Variants in DVL1 observed in about 807,000 individuals in gnomAD.
DVL1 encodes dishevelled segment polarity protein 1, also known as segment polarity protein dishevelled homolog DVL-1.
A neutral mutation model predicts 65.0 loss-of-function variants in DVL1; 49 were observed. The ratio of observed to expected loss-of-function variants is 0.75; its 90% CI spans 0.60 to 0.96. The LOEUF (loss-of-function observed/expected upper bound fraction) is 0.96. Ranked by LOEUF, DVL1 falls within the 40% of genes least tolerant of loss-of-function variation. The pLI is 0.00. For missense variants in DVL1, 1,197 were observed against 1,045.4 expected (o/e 1.15, Z -2.00); for synonymous variants, 608 against 433.9 (o/e 1.40, Z -4.99).
intron 1 of DVL1, among the ~76,000 whole-genome samples, chr1:1,344,762 G>T (rs368641291): frequency 5.9e-5 from 9 of 152,144 alleles, no homozygotes; most frequent in Non-Finnish European, 1.2e-4. Context: ...AGGGTGAGGC[G>T]GGCCCCACGG....
chr1:1,341,175 GCA>G (rs1268855289), intron 5 of DVL1, among the ~76,000 whole-genome samples: 3 of 139,236 alleles, frequency 2.2e-5, no homozygotes, highest in Admixed American at 1.5e-4. Flanking sequence ...AAGCACACCT[GCA>G]CACACGCACA....
intron 14 of DVL1, chr1:1,337,611 C>T (rs1643621801): frequency 4.7e-6 from 2 of 425,318 alleles, no homozygotes; most frequent in Non-Finnish European, 8.9e-6. Flanking sequence ...CACCAGCCGC[C>T]ACCCCTACCA....
intron 5 of DVL1, 124 bp downstream of exon 5, chr1:1,341,529 GACATTTGCAGGCAC>G: frequency 8.5e-7 from 1 of 1,182,588 alleles, no homozygotes; most frequent in Non-Finnish European, 1.1e-6. Context: ...CATGTACACA[GACATTTGCAGGCAC>G]ACACATGCAC....
At chr1:1,343,061 G>T (rs1569729181) in intron 1 of DVL1, among the ~76,000 whole-genome samples, 1 of 152,228 alleles carries the variant, frequency 6.6e-6, no homozygotes, top group Admixed American at 6.5e-5. Flanking sequence ...AGTGGCTGTG[G>T]ACATCCTCAC....
chr1:1,341,975 C>A, intron 4 of DVL1, 78 bp downstream of exon 4: 1 of 1,465,498 alleles, frequency 6.8e-7, no homozygotes, highest in Non-Finnish European at 9.2e-7. Flanking sequence ...GGGACAGGAA[C>A]TGCTGTAGTA....
Position 1,349,211 on chromosome 1 carries a change from A to G in DVL1, c.-146T>C. On this transcript the variant is annotated 5_prime_UTR_variant, in exon 1 of 15. Coordinates refer to ENST00000378888, the MANE Select transcript of DVL1 (RefSeq NM_001330311.2). The surrounding 1 kb of genome is among the most constrained non-coding windows in gnomAD (Gnocchi z 4.1). ...CGAGGCCCCCGGGCGCCCCCGCCCG[A>G]CCGCCCAGGCCCCGGCCGCCGCCCC... 1 of 342,242 alleles carries G rather than the reference A, an allele frequency of 2.9e-6. No individual in the cohort carries two copies. The highest frequency in any genetic ancestry group is 4.0e-6 in the Non-Finnish European group (1 of 249,568). 21.2% of individuals were successfully genotyped at this position (342,242 alleles called of 1,614,324 possible).
At chr1:1,341,589 T>C in intron 5 of DVL1, 78 bp downstream of exon 5, 1 of 875,520 alleles carries the variant, frequency 1.1e-6, no homozygotes, top group Non-Finnish European at 1.6e-6. Flanking sequence ...AAACACCTCA[T>C]GCAGACACAT....
intron 4 of DVL1, 107 bp from the exon 5 acceptor site, chr1:1,341,912 C>G (rs1208084534): frequency 1.9e-5 from 28 of 1,470,582 alleles, no homozygotes; most frequent in Non-Finnish European, 2.4e-5. Flanking sequence ...GCTGGCAGCT[C>G]AACTGTAGGC....
chr1:1,338,529 G>A lies in DVL1; in HGVS notation c.1332C>T (p.Ala444=), dbSNP rs750379091. Residue 444 remains alanine, a synonymous_variant, in exon 12 of 15, where the codon GCC becomes GCT. Coordinates refer to ENST00000378888, the MANE Select transcript of DVL1 (RefSeq NM_001330311.2). ...GCGGGGACGGCCACTCACCGATGAC[G>A]GCATTGGCGATGGTGATCTTGAGCC... ...RMWLKITIAN[A]VIGADVVDWL... The A allele has an allele frequency of 8.7e-6, 14 of 1,612,408 alleles. No individual in the cohort carries two copies. The Admixed American group carries it at 1.0e-4, about 12-fold the overall frequency.
At chr1:1,339,994 C>G in intron 8 of DVL1, 44 bp downstream of exon 8, 1 of 1,591,352 alleles carries the variant, frequency 6.3e-7, no homozygotes, top group Non-Finnish European at 8.5e-7. Flanking sequence ...TCCCCACGGA[C>G]CCACCCGCAG....
chr1:1,344,543 A>G (rs1038785289), intron 1 of DVL1, among the ~76,000 whole-genome samples: 2 of 152,088 alleles, frequency 1.3e-5, no homozygotes, highest in Non-Finnish European at 2.9e-5. Context: ...ACCCCTACCT[A>G]GCCCTCTGGG....
rs777195356 is a variant in DVL1 at position 1,341,738 on chromosome 1, C to T, written c.534G>A (p.Ala178=). ...CAAGCTCGCTGCTGAGGGCGGTGGA[C>T]GCGCTGTCTGGGGGCAGCCCCACAT... ...RRDVGLPPDS[A]STALSSELES... Residue 178 remains alanine, a synonymous_variant, in exon 5 of 15, where the codon GCG becomes GCA. Coordinates refer to ENST00000378888, the MANE Select transcript of DVL1 (RefSeq NM_001330311.2). 9.0e-5 allele frequency: 145 copies of T among 1,610,296 alleles called. No homozygotes were observed. Among genetic ancestry groups the T allele is most frequent in the Non-Finnish European group, 1.0e-4 (121 of 1,178,462 alleles).
At chr1:1,344,452 G>A (rs1643889651) in intron 1 of DVL1, among the ~76,000 whole-genome samples, 2 of 152,130 alleles carry the variant, frequency 1.3e-5, no homozygotes, top group African/African-American at 4.8e-5. Context: ...CCAAGCCCTG[G>A]CCCACCCACT....
In DVL1 at chr1:1,338,753, G is replaced by C. The variant is rs779097420; in HGVS notation, c.1208-100C>G. 10 of 1,488,360 alleles carry C rather than the reference G, an allele frequency of 6.7e-6. No individual in the cohort carries two copies. In the African/African-American group the frequency reaches 1.1e-4, roughly 17 times the overall value. The allele number at this position is 1,488,360 out of a possible 1,614,324, so 92.2% of individuals were successfully genotyped here. A position where few individuals can be genotyped will look rare whatever the true frequency, so the allele number is the denominator to read the frequency against. On this transcript the variant is annotated intron_variant, in intron 11 of 14. Transcript: ENST00000378888. ...GAGCCTCTGGGCAGAGCCTGCGCCA[G>C]GGCGCAAGCTGGACGGTGCGTGACA...
intron 5 of DVL1, 128 bp downstream of exon 5, chr1:1,341,539 G>A (rs1464103544): frequency 8.1e-6 from 10 of 1,227,424 alleles, no homozygotes; most frequent in Middle Eastern, 2.0e-4. Flanking sequence ...GACATTTGCA[G>A]GCACACACAT....
Position 1,336,373 on chromosome 1 carries a change from A to G in DVL1, c.1857T>C (p.Arg619=). Reference sequence around the variant, plus strand: ...TGCCACGGCTGAGCTGGCCGGCCGGACGCTCTCGCCAGCTGCTCCCCACCC... The same window carrying G: ...TGCCACGGCTGAGCTGGCCGGCCGGGCGCTCTCGCCAGCTGCTCCCCACCC... ...PSGVGSSWRE[R]PAGQLSRGSS... The change falls in exon 15 of 15, where the codon CGT becomes CGC. Residue 619 remains arginine, a synonymous_variant. Coordinates refer to ENST00000378888, the MANE Select transcript of DVL1 (RefSeq NM_001330311.2). 1 of 1,597,824 alleles carries G rather than the reference A, an allele frequency of 6.3e-7. No homozygotes were observed. Among genetic ancestry groups the G allele is most frequent in the Non-Finnish European group, 8.5e-7 (1 of 1,178,266 alleles).
intron 1 of DVL1, among the ~76,000 whole-genome samples, chr1:1,348,016 G>A (rs914406307): frequency 1.3e-5 from 2 of 152,188 alleles, no homozygotes; most frequent in Non-Finnish European, 2.9e-5. Flanking sequence ...CCAAGAAGCG[G>A]CCACACACAA....
Position 1,335,803 on chromosome 1 carries a change from C to T in DVL1, c.*339G>A, listed in dbSNP as rs1643551652. ...GCAGGGGGTTGCCCCGCATGGACCA[C>T]CCTGGGGGCCTGGGCACAGCTGTGC... On this transcript the variant is annotated 3_prime_UTR_variant, in exon 15 of 15. Coordinates refer to ENST00000378888, the MANE Select transcript of DVL1 (RefSeq NM_001330311.2). 2.7e-6 allele frequency: 1 copy of T among 366,112 alleles called. No homozygotes were observed. The highest frequency in any genetic ancestry group is 3.3e-5 in the South Asian group (1 of 29,994). The allele number at this position is 366,112 out of a possible 1,614,324, so 22.7% of individuals were successfully genotyped here.
chr1:1,338,284 C>T lies in DVL1; in HGVS notation c.1492G>A (p.Gly498Arg), dbSNP rs775086322. Residue 498 changes from glycine to arginine, a missense_variant, in exon 13 of 15, where the codon GGG becomes AGG. Transcript: ENST00000378888. ...CCCCACTCACTGCTGCAGAGATCCC[C>T]GAAGACGTAGTAGCACTGCTCGGAG... ...TFSEQCYYVFGDLCSNLATLN... is the reference protein window; with the variant it reads ...TFSEQCYYVFRDLCSNLATLN... 7.4e-6 allele frequency: 12 copies of T among 1,611,454 alleles called. No homozygotes were observed. The highest frequency in any genetic ancestry group is 5.4e-5 in the African/African-American group (4 of 74,720).
Sources: gnomAD v4.1 joint callset for allele counts (sites outside exome capture counted in the v4.1 genomes callset) on GRCh38, gnomAD v4.1.1 for gene constraint, Gnocchi (gnomAD v3.1) non-coding constraint, MANE v1.5 for transcripts, NCBI Gene and HGNC (gene_info 2026-07-23, HGNC 2026-07-21) for gene names.